Variants in SV2C observed in about 807,000 individuals in gnomAD.
SV2C encodes the protein synaptic vesicle glycoprotein 2C, also known as solute carrier family 22 member B3.
A neutral mutation model predicts 79.7 loss-of-function variants in SV2C; 49 were observed. The observed-to-expected ratio is 0.61, with a 90% confidence interval of 0.49 to 0.78. The LOEUF (loss-of-function observed/expected upper bound fraction) is 0.78. Ranked by LOEUF, SV2C falls within the 30% of genes least tolerant of loss-of-function variation. The probability of loss-of-function intolerance (pLI) is 0.00; values close to 1 mark genes in which losing one functional copy is unlikely to be tolerated. For synonymous variants in SV2C, 334 were observed against 333.2 expected (o/e 1.00, Z -0.03); for missense variants, 833 against 912.9 (o/e 0.91, Z 1.13).
At chr5:76,290,089 G>GA (rs70979390) in intron 6 of SV2C, among the ~76,000 whole-genome samples, 24,863 of 150,912 alleles carry the variant, frequency 0.16, 2,458 homozygotes, top group African/African-American at 0.28. Context: ...AAAAAGAAAA[G>GA]AAAAAAAAAC....
the SV2C span, among the ~76,000 whole-genome samples, chr5:75,865,799 A>C: frequency 6.6e-6 from 1 of 152,246 alleles, no homozygotes; most frequent in Non-Finnish European, 1.5e-5. Flanking sequence ...CGTAGAAAGC[A>C]TCTTCTATGG....
At chr5:76,181,278 C>T (rs997032255) in intron 2 of SV2C, among the ~76,000 whole-genome samples, 5 of 152,180 alleles carry the variant, frequency 3.3e-5, no homozygotes, top group African/African-American at 7.2e-5. Flanking sequence ...GGTTCCATGC[C>T]GCAGCAGCAG....
At chr5:75,935,930 T>C in the SV2C span, among the ~76,000 whole-genome samples, 1,317 of 152,312 alleles carry the variant, frequency 8.6e-3, 26 homozygotes, top group African/African-American at 0.03. Context: ...TAAAAAGTTA[T>C]AACTACAAAA....
At chr5:75,969,137 T>C in the SV2C span, among the ~76,000 whole-genome samples, 8 of 152,132 alleles carry the variant, frequency 5.3e-5, no homozygotes, top group African/African-American at 1.9e-4. Flanking sequence ...AGAGATTTTG[T>C]CACCACCAGG....
At chr5:75,849,752 C>T in the SV2C span, among the ~76,000 whole-genome samples, 1 of 152,142 alleles carries the variant, frequency 6.6e-6, no homozygotes, top group Admixed American at 6.6e-5. Flanking sequence ...TTTGAAATTT[C>T]AAGATCACTG....
At chr5:75,963,743 A>G in the SV2C span, among the ~76,000 whole-genome samples, 22 of 152,100 alleles carry the variant, frequency 1.4e-4, no homozygotes, top group Non-Finnish European at 2.5e-4. Context: ...TTTCTTTGGT[A>G]CTTTCCTCAC....
At chr5:75,932,985 G>A in the SV2C span, among the ~76,000 whole-genome samples, 1 of 152,154 alleles carries the variant, frequency 6.6e-6, no homozygotes, top group Non-Finnish European at 1.5e-5. Flanking sequence ...GCTCCATCCT[G>A]TGTCACTGCT....
chr5:76,119,968 G>A (rs1689827938), intron 1 of SV2C, among the ~76,000 whole-genome samples: 1 of 152,152 alleles, frequency 6.6e-6, no homozygotes, highest in Admixed American at 6.6e-5. Flanking sequence ...TACAAGCACA[G>A]TAAGGTATTG....
chr5:75,856,741 G>T, the SV2C span, among the ~76,000 whole-genome samples: 1 of 152,042 alleles, frequency 6.6e-6, no homozygotes, highest in African/African-American at 2.4e-5. Context: ...CCCATTCTGT[G>T]GGTTGTCTCT....
At chr5:75,876,719 CT>C in the SV2C span, among the ~76,000 whole-genome samples, 1 of 152,046 alleles carries the variant, frequency 6.6e-6, no homozygotes, top group Non-Finnish European at 1.5e-5. Flanking sequence ...AGTAATGTGT[CT>C]ATGTATCACT....
At chr5:76,197,768 A>T (rs114594533) in intron 3 of SV2C, among the ~76,000 whole-genome samples, 1,466 of 87,996 alleles carry the variant, frequency 0.017, 26 homozygotes, top group African/African-American at 0.065. Flanking sequence ...AACGGCTCAC[A>T]CAATTATGGA....
At chr5:76,091,942 A>T (rs990189963) in intron 1 of SV2C, 1 of 152,218 alleles carries the variant, frequency 6.6e-6, no homozygotes, top group Non-Finnish European at 1.5e-5. Flanking sequence ...TGATCACATT[A>T]ATTATGGTTA....
the SV2C span, among the ~76,000 whole-genome samples, chr5:75,980,612 A>T: frequency 1.3e-5 from 2 of 152,142 alleles, no homozygotes; most frequent in East Asian, 3.9e-4. Flanking sequence ...AGGAAAAAAA[A>T]TATGATTATC....
At chr5:75,984,536 C>CCTATCTATCTATCTAT in the SV2C span, among the ~76,000 whole-genome samples, 438 of 145,092 alleles carry the variant, frequency 3.0e-3, no homozygotes, top group African/African-American at 6.5e-3. Context: ...GATCTATCTG[C>CCTATCTATCTATCTAT]CTATCTATCT....
chr5:75,906,073 C>A, the SV2C span, among the ~76,000 whole-genome samples: 1 of 151,562 alleles, frequency 6.6e-6, no homozygotes, highest in Non-Finnish European at 1.5e-5. Context: ...TAAAGAACAC[C>A]AAGGACTGCT....
intron 1 of SV2C, among the ~76,000 whole-genome samples, chr5:76,117,286 A>G (rs1748298990): frequency 6.6e-6 from 1 of 152,222 alleles, no homozygotes; most frequent in Non-Finnish European, 1.5e-5. Flanking sequence ...TTCTATATAT[A>G]GGTATGTATT....
chr5:76,171,488 G>T (rs1743246404), intron 2 of SV2C, among the ~76,000 whole-genome samples: 1 of 126,884 alleles, frequency 7.9e-6, no homozygotes, highest in Admixed American at 7.5e-5. Context: ...GAGAAGTGAG[G>T]AGACCCTCTG....
At chr5:76,169,438 G>T (rs1447624908) in intron 2 of SV2C, among the ~76,000 whole-genome samples, 1 of 152,190 alleles carries the variant, frequency 6.6e-6, no homozygotes, top group Non-Finnish European at 1.5e-5. Context: ...TGGGAATTAA[G>T]GGTATTACAA....
chr5:75,879,856 G>T, the SV2C span, among the ~76,000 whole-genome samples: 1 of 152,186 alleles, frequency 6.6e-6, no homozygotes, highest in African/African-American at 2.4e-5. Flanking sequence ...GCTGGCTTCT[G>T]CCTGGGCACC....
Sources: gnomAD v4.1 joint callset for allele counts (sites outside exome capture counted in the v4.1 genomes callset) on GRCh38, gnomAD v4.1.1 for gene constraint, MANE v1.5 for transcripts, NCBI Gene and HGNC (gene_info 2026-07-23, HGNC 2026-07-21) for gene names.